The following TRHR variants were observed in gnomAD, a reference collection of about 807,000 sequenced individuals.
TRHR encodes thyrotropin-releasing hormone receptor.
TRHR carries 14 observed loss-of-function variants against 28.0 expected under a neutral mutation model. That is an observed-to-expected ratio of 0.50 (90% confidence interval 0.33 to 0.78). TRHR has a LOEUF of 0.78. Among genes scored for constraint, TRHR ranks in the 30% least tolerant of loss-of-function variants. The pLI is 0.02. For synonymous variants in TRHR, 176 were observed against 171.9 expected (o/e 1.02, Z -0.18); for missense variants, 438 against 469.5 (o/e 0.93, Z 0.62).
At chr8:109,090,999 T>G (rs912106594) in intron 2 of TRHR, among the ~76,000 whole-genome samples, 1 of 152,024 alleles carries the variant, frequency 6.6e-6, no homozygotes, top group Non-Finnish European at 1.5e-5. Context: ...AGAAAGGAAT[T>G]TGCACTTAAT....
In TRHR at chr8:109,099,497, TA is replaced by T. The variant is rs1325523370; in HGVS notation, c.789+11200del. On this transcript the variant is annotated intron_variant, in intron 2 of 2. Coordinates refer to ENST00000518632, the MANE Select transcript of TRHR (RefSeq NM_003301.7). ...GGGAGACGCAGTTAAAAGAATAAATTAAAAGAGTAAGTGGATTTATCTAAAA... is the reference window on the plus strand; with the variant it reads ...GGGAGACGCAGTTAAAAGAATAAATTAAAGAGTAAGTGGATTTATCTAAAA... Among the ~76,000 whole-genome samples, 5 of 152,176 alleles carry T rather than the reference TA, an allele frequency of 3.3e-5. No individual in the cohort carries two copies. The South Asian group carries it at 6.2e-4, about 19-fold the overall frequency.
chr8:109,101,312 G>A (rs978109419), intron 2 of TRHR, among the ~76,000 whole-genome samples: 2 of 152,152 alleles, frequency 1.3e-5, no homozygotes, highest in African/African-American at 4.8e-5. Context: ...GTAGAAAGCG[G>A]AATAGAAAGG....
intron 2 of TRHR, among the ~76,000 whole-genome samples, chr8:109,088,639 G>A (rs1308825098): frequency 1.3e-5 from 2 of 152,184 alleles, no homozygotes; most frequent in African/African-American, 4.8e-5. Flanking sequence ...TCTGGCTTCT[G>A]TAGGAAATAA....
At position 109,120,261 on chromosome 8, in the gene TRHR, T is replaced by C. The variant is rs5779; in HGVS notation, c.*806T>C. On this transcript the variant is annotated 3_prime_UTR_variant, in exon 3 of 3. Transcript: ENST00000518632. ...CTAACATACAATTAAATTTGAAAAG[T>C]ATAGTCAAGACAAAGCAAGTATTTA... is the stretch of plus-strand genomic sequence containing the variant. 3.1e-3 allele frequency among the ~76,000 whole-genome samples: 478 copies of C among 152,002 alleles called. 2 individuals carry two copies. Among genetic ancestry groups the C allele is most frequent in the African/African-American group, 0.011 (443 of 41,528 alleles).
At chr8:109,093,253 G>A (rs1047567097) in intron 2 of TRHR, among the ~76,000 whole-genome samples, 49 of 151,408 alleles carry the variant, frequency 3.2e-4, no homozygotes, top group African/African-American at 1.1e-3. Context: ...TCCCCACCTC[G>A]CTGGGCACCC....
At chr8:109,102,806 T>A (rs1301822139) in intron 2 of TRHR, among the ~76,000 whole-genome samples, 2 of 152,086 alleles carry the variant, frequency 1.3e-5, no homozygotes, top group African/African-American at 2.4e-5. Flanking sequence ...TTACAGCTGA[T>A]CTGAATTTCT....
In TRHR at chr8:109,103,548, A is replaced by G. The variant is rs1402255544; in HGVS notation, c.789+15247A>G. ...GTGCCTCAACAAAACCATCAAGAGTACTAAAGGCAAAAGCCAGAAAGCCTT... is the reference window on the plus strand; with the variant it reads ...GTGCCTCAACAAAACCATCAAGAGTGCTAAAGGCAAAAGCCAGAAAGCCTT... On this transcript the variant is annotated intron_variant, in intron 2 of 2. Coordinates refer to ENST00000518632, the MANE Select transcript of TRHR (RefSeq NM_003301.7). 3.9e-5 allele frequency among the ~76,000 whole-genome samples: 6 copies of G among 152,278 alleles called. No homozygotes were observed. In the East Asian group the frequency reaches 7.7e-4, roughly 20 times the overall value.
In TRHR at chr8:109,115,102, C is replaced by T. The variant is rs138131898; in HGVS notation, c.790-3946C>T. On this transcript the variant is annotated intron_variant, in intron 2 of 2. Transcript: ENST00000518632. ...CTTTCATATCACCATACACCCTATA[C>T]GCTACTCTGATCAGATAGTTGTAGA... Among the ~76,000 whole-genome samples the T allele has an allele frequency of 1.9e-3, 294 of 152,128 alleles. 5 individuals are homozygous for T. Among genetic ancestry groups the T allele is most frequent in the African/African-American group, 6.3e-3 (261 of 41,564 alleles).
Position 109,087,516 on chromosome 8 carries a change from G to C in TRHR, c.4G>C (p.Glu2Gln), listed in dbSNP as rs751896079. 6.2e-7 allele frequency: 1 copy of C among 1,614,156 alleles called. No homozygotes were observed. Residue 2 changes from glutamate to glutamine, a missense_variant, in exon 2 of 3, where the codon GAA becomes CAA. By Grantham distance (29) the Glu-to-Gln change is conservative (BLOSUM62 2). Coordinates refer to ENST00000518632, the MANE Select transcript of TRHR (RefSeq NM_003301.7). ...GAGAAACTTTAAGCTTCTAAAGATG[G>C]AAAACGAGACAGTCAGTGAACTGAA... M[E>Q]NETVSELNQT...
Position 109,087,937 on chromosome 8 carries a change from C to T in TRHR, c.425C>T (p.Ala142Val). The T allele has an allele frequency of 6.2e-7, 1 of 1,614,172 alleles. No individual in the cohort carries two copies. The highest frequency in any genetic ancestry group is 8.5e-7 in the Non-Finnish European group (1 of 1,180,030). Residue 142 changes from alanine (A) to valine (V), a missense_variant, in exon 2 of 3, where the codon GCC (alanine) becomes GTC (valine). By Grantham distance (64) the Ala-to-Val change is moderately conservative (BLOSUM62 0). Coordinates refer to ENST00000518632, the MANE Select transcript of TRHR (RefSeq NM_003301.7). ...CAGTTTCTCTGCACATTTTCCAGAG[C>T]CAAAAAGATTATCATCTTTGTCTGG... Reference protein sequence around the residue: ...KAQFLCTFSRAKKIIIFVWAF... With the variant: ...KAQFLCTFSRVKKIIIFVWAF...
intron 2 of TRHR, among the ~76,000 whole-genome samples, chr8:109,101,980 A>G (rs1252675855): frequency 6.6e-6 from 1 of 152,206 alleles, no homozygotes; most frequent in Non-Finnish European, 1.5e-5. Context: ...AAAGAATCAC[A>G]GAAATCAAAG....
rs1435632072 is a variant in TRHR at position 109,121,452 on chromosome 8, A to G, written c.*1997A>G. 1.3e-5 allele frequency among the ~76,000 whole-genome samples: 2 copies of G among 151,744 alleles called. No individual in the cohort carries two copies. The highest frequency in any genetic ancestry group is 4.8e-5 in the African/African-American group (2 of 41,368). ...CAGGTATGCTGGTAGGTAGTCAATCAACATTATCTTCATCACAATTTCACT... is the reference window on the plus strand; with the variant it reads ...CAGGTATGCTGGTAGGTAGTCAATCGACATTATCTTCATCACAATTTCACT... On this transcript the variant is annotated 3_prime_UTR_variant, in exon 3 of 3. Transcript: ENST00000518632.
At chr8:109,117,801 C>A (rs1384572065) in intron 2 of TRHR, among the ~76,000 whole-genome samples, 1 of 151,852 alleles carries the variant, frequency 6.6e-6, no homozygotes, top group African/African-American at 2.4e-5. Context: ...GCTAAGTAGA[C>A]CCTCTTTGGC....
Position 109,087,902 on chromosome 8 carries a change from C to T in TRHR, c.390C>T (p.Pro130=). The T allele has an allele frequency of 1.9e-6, 3 of 1,614,172 alleles. No individual in the cohort carries two copies. Among genetic ancestry groups the T allele is most frequent in the African/African-American group, 1.3e-5 (1 of 75,040 alleles). Residue 130 remains proline, a synonymous_variant, in exon 2 of 3, where the codon CCC becomes CCT. Coordinates refer to ENST00000518632, the MANE Select transcript of TRHR (RefSeq NM_003301.7). ...TIERYIAICH[P]IKAQFLCTFS... is the part of the protein sequence containing the mutation. ...AGAGGTACATAGCAATCTGTCACCC[C>T]ATCAAAGCCCAGTTTCTCTGCACAT...
chr8:109,097,194 G>A (rs939816918), intron 2 of TRHR, among the ~76,000 whole-genome samples: 2 of 152,130 alleles, frequency 1.3e-5, no homozygotes, highest in Non-Finnish European at 2.9e-5. Context: ...TGGACAGAAG[G>A]CATAGAGAGG....
intron 2 of TRHR, 143 bp from the exon 3 acceptor site, chr8:109,118,905 A>C (rs1811959305): frequency 9.7e-7 from 1 of 1,030,242 alleles, no homozygotes; most frequent in Admixed American, 1.9e-5. Context: ...GCTTCCTGGG[A>C]TCACCTCCCC....
intron 2 of TRHR, among the ~76,000 whole-genome samples, chr8:109,115,620 T>C (rs1586196161): frequency 6.6e-6 from 1 of 152,292 alleles, no homozygotes; most frequent in East Asian, 1.9e-4. Flanking sequence ...CTGTTATTGG[T>C]GTATAAGAAT....
chr8:109,117,242 A>G (rs1811935416), intron 2 of TRHR, among the ~76,000 whole-genome samples: 1 of 151,954 alleles, frequency 6.6e-6, no homozygotes, highest in Non-Finnish European at 1.5e-5. Flanking sequence ...CAAAGTATAT[A>G]GGAAGGAGCA....
intron 2 of TRHR, among the ~76,000 whole-genome samples, chr8:109,117,450 C>T (rs1417745718): frequency 6.6e-6 from 1 of 151,686 alleles, no homozygotes; most frequent in Non-Finnish European, 1.5e-5. Context: ...TTACTTGGGC[C>T]ATCTTAAAGG....
Sources: gnomAD v4.1 joint callset for allele counts (sites outside exome capture counted in the v4.1 genomes callset) on GRCh38, gnomAD v4.1.1 for gene constraint, MANE v1.5 for transcripts, NCBI Gene and HGNC (gene_info 2026-07-23, HGNC 2026-07-21) for gene names.